Variants in AGBL4 observed in about 807,000 individuals in gnomAD.
AGBL4 encodes the protein AGBL carboxypeptidase 4.
In AGBL4, 58 loss-of-function variants were observed where a neutral mutation model predicts 66.4. The ratio of observed to expected loss-of-function variants is 0.87; its 90% confidence interval spans 0.71 to 1.09. The LOEUF is 1.09. Ranked by LOEUF, AGBL4 falls within the 50% of genes least tolerant of loss-of-function variation. The pLI is 0.00. For synonymous variants in AGBL4, 234 were observed against 222.9 expected (o/e 1.05, Z -0.44); for missense variants, 579 against 631.0 (o/e 0.92, Z 0.88).
chr1:49,580,603 C>A (rs1173950989), intron 3 of AGBL4, among the ~76,000 whole-genome samples: 1 of 152,158 alleles, frequency 6.6e-6, no homozygotes. Flanking sequence ...AGTCCCTCAG[C>A]ATTTGCTTGT....
chr1:49,464,761 T>C (rs1382954304), intron 3 of AGBL4, among the ~76,000 whole-genome samples: 1 of 151,588 alleles, frequency 6.6e-6, no homozygotes, highest in Middle Eastern at 3.2e-3. Context: ...AAAAAAATCA[T>C]TTGCCTGTGT....
At chr1:49,430,067 A>T (rs1006883234) in intron 3 of AGBL4, among the ~76,000 whole-genome samples, 2 of 151,852 alleles carry the variant, frequency 1.3e-5, no homozygotes, top group African/African-American at 4.8e-5. Context: ...GGCTGGTCTC[A>T]AACTCAAACT....
chr1:49,818,377 T>G (rs1021695130), intron 2 of AGBL4, among the ~76,000 whole-genome samples: 1 of 151,378 alleles, frequency 6.6e-6, no homozygotes. Flanking sequence ...TTTGTTTTTT[T>G]TTTTTTGAGA....
intron 3 of AGBL4, among the ~76,000 whole-genome samples, chr1:49,620,613 A>G (rs1167125068): frequency 2.6e-5 from 4 of 152,180 alleles, no homozygotes; most frequent in Non-Finnish European, 5.9e-5. Context: ...GTTTTGAATT[A>G]TATTATGTAT....
At chr1:48,864,834 G>A (rs776030950) in intron 6 of AGBL4, among the ~76,000 whole-genome samples, 26 of 152,090 alleles carry the variant, frequency 1.7e-4, no homozygotes, top group Admixed American at 6.6e-4. Flanking sequence ...TATAATTTTC[G>A]TCCAAAAATA....
chr1:49,566,913 G>A (rs1644220359), intron 3 of AGBL4, among the ~76,000 whole-genome samples: 1 of 152,218 alleles, frequency 6.6e-6, no homozygotes. Flanking sequence ...TACAGAGGCA[G>A]GCAGGCCTCC....
intron 3 of AGBL4, among the ~76,000 whole-genome samples, chr1:49,592,075 A>G (rs1432232486): frequency 6.6e-6 from 1 of 152,244 alleles, no homozygotes; most frequent in Non-Finnish European, 1.5e-5. Context: ...AACAAAAACA[A>G]AAATTGACAA....
At chr1:48,824,001 G>C (rs1646372055) in intron 6 of AGBL4, among the ~76,000 whole-genome samples, 1 of 152,060 alleles carries the variant, frequency 6.6e-6, no homozygotes, top group African/African-American at 2.4e-5. Flanking sequence ...ATGTGCACAT[G>C]TCATTAGGAT....
chr1:48,711,742 ATAATTTCTCCCTCTCTCCCTTCCCTTTCC>A (rs1646970961), intron 6 of AGBL4, among the ~76,000 whole-genome samples: 1 of 7,486 alleles, frequency 1.3e-4, no homozygotes, highest in Non-Finnish European at 8.7e-4. Flanking sequence ...CCCTTTCCCC[ATAATTTCTCCCTCTCTCCCTTCCCTTTCC>A]CCATAATTTC....
intron 1 of AGBL4, among the ~76,000 whole-genome samples, chr1:49,867,329 A>C (rs928059293): frequency 2.0e-5 from 3 of 148,230 alleles, no homozygotes; most frequent in African/African-American, 7.4e-5. Context: ...TTATATATAT[A>C]TTTATATATA....
At chr1:49,452,303 T>C (rs1284012326) in intron 3 of AGBL4, among the ~76,000 whole-genome samples, 1 of 151,990 alleles carries the variant, frequency 6.6e-6, no homozygotes, top group African/African-American at 2.4e-5. Flanking sequence ...CTCCAATCCA[T>C]ACTTCATATC....
intron 2 of AGBL4, among the ~76,000 whole-genome samples, chr1:49,778,802 T>C (rs1644263803): frequency 6.6e-6 from 1 of 152,088 alleles, no homozygotes; most frequent in African/African-American, 2.4e-5. Flanking sequence ...CACTGGGAAC[T>C]CCAAAAGGGG....
At chr1:49,427,193 G>A (rs375519339) in intron 3 of AGBL4, among the ~76,000 whole-genome samples, 1 of 152,106 alleles carries the variant, frequency 6.6e-6, no homozygotes, top group Non-Finnish European at 1.5e-5. Flanking sequence ...TATTGCTATT[G>A]ACAACCACAA....
At chr1:48,543,833 T>G (rs1182998617) in intron 11 of AGBL4, among the ~76,000 whole-genome samples, 1 of 152,190 alleles carries the variant, frequency 6.6e-6, no homozygotes, top group Non-Finnish European at 1.5e-5. Context: ...ACAAGTGCAT[T>G]TTAATTTTCA....
intron 3 of AGBL4, among the ~76,000 whole-genome samples, chr1:49,473,399 G>C (rs1213022897): frequency 6.6e-6 from 1 of 152,000 alleles, no homozygotes; most frequent in African/African-American, 2.4e-5. Context: ...GATTAGTGAG[G>C]TTGAGCATTT....
chr1:49,053,157 T>C (rs1297481097), intron 4 of AGBL4, among the ~76,000 whole-genome samples: 1 of 152,120 alleles, frequency 6.6e-6, no homozygotes, highest in Admixed American at 6.6e-5. Context: ...AATTCCAAGT[T>C]CACACTAAGT....
At chr1:49,078,600 C>G (rs1571393688) in intron 4 of AGBL4, among the ~76,000 whole-genome samples, 1 of 152,152 alleles carries the variant, frequency 6.6e-6, no homozygotes, top group Admixed American at 6.5e-5. Context: ...CTCTCCACCT[C>G]CAGCCCTCAC....
chr1:48,705,679 G>A (rs1646871525), intron 6 of AGBL4, among the ~76,000 whole-genome samples: 1 of 152,126 alleles, frequency 6.6e-6, no homozygotes, highest in Non-Finnish European at 1.5e-5. Flanking sequence ...TGCATCTCAG[G>A]CAAAATTACA....
intron 6 of AGBL4, among the ~76,000 whole-genome samples, chr1:48,694,037 T>C (rs556082639): frequency 1.4e-5 from 2 of 146,924 alleles, no homozygotes; most frequent in Non-Finnish European, 3.0e-5. Flanking sequence ...TGACCTGATT[T>C]TTTCCCTATT....
Sources: gnomAD v4.1 joint callset for allele counts (sites outside exome capture counted in the v4.1 genomes callset) on GRCh38, gnomAD v4.1.1 for gene constraint, MANE v1.5 for transcripts, NCBI Gene and HGNC (gene_info 2026-07-23, HGNC 2026-07-21) for gene names.